The following TDRD9 variants were observed in gnomAD, a reference collection of about 807,000 sequenced individuals.
TDRD9 encodes tudor domain containing 9.
A neutral mutation model predicts 172.6 loss-of-function variants in TDRD9; 124 were observed. That is an observed-to-expected ratio of 0.72 (90% confidence interval 0.62 to 0.83). TDRD9 has a LOEUF of 0.83. Among genes scored for constraint, TDRD9 ranks in the 40% least tolerant of loss-of-function variants. The probability of loss-of-function intolerance (pLI) is 0.00; values close to 1 mark genes in which losing one functional copy is unlikely to be tolerated. For missense variants in TDRD9, 1,479 were observed against 1,714.1 expected (o/e 0.86, Z 2.42); for synonymous variants, 619 against 617.1 (o/e 1.00, Z -0.05).
At chr14:104,022,414 A>G in intron 24 of TDRD9, 84 bp downstream of exon 24, 1 of 1,369,494 alleles carries the variant, frequency 7.3e-7, no homozygotes, top group Middle Eastern at 1.8e-4. Flanking sequence ...TTGATCTGGC[A>G]TTGCTTCAGA....
At chr14:103,999,665 TAA>T (rs1156462376) in intron 13 of TDRD9, among the ~76,000 whole-genome samples, 2 of 125,720 alleles carry the variant, frequency 1.6e-5, no homozygotes, top group African/African-American at 6.2e-5. Flanking sequence ...GAAGGGTAGA[TAA>T]AAGACCATTT....
At chr14:103,956,578 T>C (rs956760472) in intron 2 of TDRD9, among the ~76,000 whole-genome samples, 2 of 152,084 alleles carry the variant, frequency 1.3e-5, no homozygotes, top group Admixed American at 1.3e-4. Context: ...GAGGCAGAGG[T>C]TGCAGTGAGC....
At chr14:104,022,761 T>TAAAA (rs1189987360) in intron 24 of TDRD9, among the ~76,000 whole-genome samples, 2 of 126,788 alleles carry the variant, frequency 1.6e-5, no homozygotes, top group African/African-American at 5.5e-5. Flanking sequence ...AATAAATAAA[T>TAAAA]AAAAAAGCAC....
chr14:104,018,318 C>A, intron 23 of TDRD9, 126 bp downstream of exon 23: 1 of 591,410 alleles, frequency 1.7e-6, no homozygotes, highest in Non-Finnish European at 3.0e-6. Flanking sequence ...CTGCAATTGG[C>A]TTTCAGAATG....
At chr14:103,979,674 T>G (rs1159073271) in intron 7 of TDRD9, among the ~76,000 whole-genome samples, 2 of 152,162 alleles carry the variant, frequency 1.3e-5, no homozygotes, top group Non-Finnish European at 2.9e-5. Context: ...ACATGAGATT[T>G]GGAGGGGACA....
At chr14:104,003,123 T>C (rs928382452) in intron 13 of TDRD9, among the ~76,000 whole-genome samples, 2 of 152,072 alleles carry the variant, frequency 1.3e-5, no homozygotes, top group Admixed American at 6.5e-5. Flanking sequence ...TGTGTTTATT[T>C]GGTCTCAGAT....
At chr14:103,971,952 A>T (rs111627092) in intron 6 of TDRD9, among the ~76,000 whole-genome samples, 3,518 of 151,928 alleles carry the variant, frequency 0.023, 76 homozygotes, top group East Asian at 0.07. Flanking sequence ...GCCCAAGGAG[A>T]TCAAGACCAG....
At position 104,026,812 on chromosome 14, in the gene TDRD9, C is replaced by T. The variant is rs1012167673; in HGVS notation, c.3155C>T (p.Ser1052Phe). 5 of 1,613,956 alleles carry T rather than the reference C, an allele frequency of 3.1e-6. No individual in the cohort carries two copies. In the African/African-American group the frequency reaches 6.7e-5, roughly 22 times the overall value. The change falls in exon 28 of 36, where the codon TCT becomes TTT. Residue 1052 changes from serine (S) to phenylalanine (F), a missense_variant. Physicochemically the swap from Ser to Phe is radical, Grantham distance 155 (BLOSUM62 -2). Coordinates refer to ENST00000409874, the MANE Select transcript of TDRD9 (RefSeq NM_153046.3). Reference sequence around the variant, plus strand: ...TGCACCCTCCTTGTGAAGGTCTTCTCTGTGGTGCACAGCGTCCTGCACGTG... The same window carrying T: ...TGCACCCTCCTTGTGAAGGTCTTCTTTGTGGTGCACAGCGTCCTGCACGTG... ...SGCTLLVKVFSVVHSVLHVDV... is the reference protein window; with the variant it reads ...SGCTLLVKVFFVVHSVLHVDV...
At chr14:104,036,397 C>A (rs536952856) in intron 32 of TDRD9, among the ~76,000 whole-genome samples, 5 of 152,276 alleles carry the variant, frequency 3.3e-5, no homozygotes, top group South Asian at 2.1e-4. Flanking sequence ...TAAGTTCAGG[C>A]GTCTTGGAGC....
intron 1 of TDRD9, among the ~76,000 whole-genome samples, chr14:103,947,489 G>A (rs1020346867): frequency 6.6e-6 from 1 of 151,750 alleles, no homozygotes; most frequent in African/African-American, 2.4e-5. Context: ...CACCACGCCC[G>A]GCTAATTTTT....
chr14:103,995,382 G>T (rs1393422039), intron 11 of TDRD9, among the ~76,000 whole-genome samples: 2 of 152,210 alleles, frequency 1.3e-5, no homozygotes, highest in Non-Finnish European at 2.9e-5. Context: ...GCAGCCTTGG[G>T]TGGTATTCTA....
chr14:103,950,381 C>G (rs1424865801), intron 1 of TDRD9, among the ~76,000 whole-genome samples: 1 of 152,222 alleles, frequency 6.6e-6, no homozygotes, highest in Non-Finnish European at 1.5e-5. Flanking sequence ...TGAGCCACCG[C>G]ATACGGCCGG....
At chr14:103,936,490 T>C (rs2152116503) in intron 1 of TDRD9, among the ~76,000 whole-genome samples, 1 of 152,312 alleles carries the variant, frequency 6.6e-6, no homozygotes, top group East Asian at 1.9e-4. Context: ...GATTGAATCA[T>C]AAATCTCTGT....
At chr14:103,962,986 G>GTA (rs2032578786) in intron 2 of TDRD9, 93 bp from the exon 3 acceptor site, 2 of 663,226 alleles carry the variant, frequency 3.0e-6, no homozygotes, top group East Asian at 5.7e-5. Context: ...GTGTGTGTGT[G>GTA]TGTGTGTATG....
chr14:103,952,186 GTGTGTATA>G (rs1181194765), intron 1 of TDRD9, among the ~76,000 whole-genome samples: 1 of 33,950 alleles, frequency 2.9e-5, no homozygotes, highest in Admixed American at 4.9e-4. Flanking sequence ...GTGTGCGTGT[GTGTGTATA>G]TATATATATA....
intron 1 of TDRD9, chr14:103,940,514 C>T (rs771993983): frequency 1.2e-5 from 3 of 257,266 alleles, no homozygotes; most frequent in Non-Finnish European, 2.2e-5. Context: ...CAGAATTTGT[C>T]AGACTTCATA....
At chr14:103,987,121 TATACAC>T (rs1313261528) in intron 8 of TDRD9, among the ~76,000 whole-genome samples, 3 of 126,430 alleles carry the variant, frequency 2.4e-5, no homozygotes, top group East Asian at 2.3e-4. Context: ...TCAAAAAATA[TATACAC>T]ACACACACAC....
In TDRD9 at chr14:103,982,039, C is replaced by T. The variant is rs1208628047; in HGVS notation, c.1012-4178C>T. ...AGGGAGACTTGTCATGTTACCTCAC[C>T]ACACTGTCTGCTGTTACAAGGGAGA... On this transcript the variant is annotated intron_variant, in intron 7 of 35. Transcript: ENST00000409874. Among the ~76,000 whole-genome samples the T allele has an allele frequency of 2.6e-5, 4 of 152,066 alleles. No individual in the cohort carries two copies. The East Asian group carries it at 7.7e-4, about 29-fold the overall frequency.
At chr14:103,972,080 G>C (rs1176163303) in intron 6 of TDRD9, among the ~76,000 whole-genome samples, 1 of 151,850 alleles carries the variant, frequency 6.6e-6, no homozygotes, top group African/African-American at 2.4e-5. Flanking sequence ...CTTGAGCCTG[G>C]GAGGTCCAGG....
Sources: allele counts gnomAD v4.1 joint callset (sites outside exome capture counted in the v4.1 genomes callset), GRCh38; gene constraint gnomAD v4.1.1; transcripts MANE v1.5; gene names NCBI Gene and HGNC (gene_info 2026-07-23, HGNC 2026-07-21).